The following ZNF208 variants were observed in gnomAD, a reference collection of about 807,000 sequenced individuals.
ZNF208 encodes zinc finger protein 208.
In ZNF208, 10 loss-of-function variants were observed where a neutral mutation model predicts 12.1. That is an observed-to-expected ratio of 0.83 (90% CI 0.51 to 1.40). The LOEUF (loss-of-function observed/expected upper bound fraction) is 1.40, where lower values mean the gene tolerates loss of function less well. Among genes scored for constraint, ZNF208 ranks in the 40% most tolerant of loss-of-function variants. The probability of loss-of-function intolerance (pLI) is 0.00; values close to 1 mark genes in which losing one functional copy is unlikely to be tolerated. For synonymous variants in ZNF208, 497 were observed against 488.4 expected (o/e 1.02, Z -0.23); for missense variants, 1,652 against 1,485.0 (o/e 1.11, Z -1.85).
chr19:22,006,518 TCTTAAC>T (rs1971046751), intron 1 of ZNF208, among the ~76,000 whole-genome samples: 1 of 152,134 alleles, frequency 6.6e-6, no homozygotes, highest in Non-Finnish European at 1.5e-5. Context: ...ACCTCTTCTA[TCTTAAC>T]CTTAACTGCA....
At chr19:21,979,249 G>A (rs1274328213) in intron 3 of ZNF208, among the ~76,000 whole-genome samples, 1 of 152,136 alleles carries the variant, frequency 6.6e-6, no homozygotes, top group African/African-American at 2.4e-5. Flanking sequence ...TGCTCCTCGA[G>A]AAGAGCAACC....
rs765088951 is a variant in ZNF208, at chr19:21,971,841, C to T, written c.3193G>A (p.Ala1065Thr). 1.5e-4 allele frequency: 248 copies of T among 1,613,476 alleles called. No individual in the cohort carries two copies. Among genetic ancestry groups the T allele is most frequent in the Non-Finnish European group, 2.0e-4 (231 of 1,179,812 alleles). Residue 1065 changes from alanine to threonine, a missense_variant, in exon 4 of 4, where the codon GCC becomes ACC. Physicochemically the swap from Ala to Thr is moderately conservative, Grantham distance 58. Around this residue, in one of 3 missense-constraint regions of ZNF208, gnomAD observed 1,239 missense variants for 1,086.2 expected, o/e 1.14. Coordinates refer to ENST00000397126, the MANE Select transcript of ZNF208 (RefSeq NM_007153.3). ...KPYKCEECGKAFSWPSRLTEH... is the reference protein window; with the variant it reads ...KPYKCEECGKTFSWPSRLTEH... ...GTAAGTCTTGAGGGCCAGCTGAAGG[C>T]TTTGCCACATTCTTCACATTTGTAG...
In ZNF208 at chr19:21,967,234, A is replaced by G. The variant is rs1970188391; in HGVS notation, c.*3957T>C. 1 of 152,036 alleles carries G rather than the reference A, an allele frequency of 6.6e-6. No homozygotes were observed. Among genetic ancestry groups the G allele is most frequent in the Non-Finnish European group, 1.5e-5 (1 of 67,978 alleles). 9.4% of individuals were successfully genotyped at this position (152,036 alleles called of 1,614,324 possible). A position where few individuals can be genotyped will look rare whatever the true frequency, so the allele number is the denominator to read the frequency against. ...TATTGAGTTGTTTTTTTTTTATAGA[A>G]AAAGGTAGTACAGTTTTCTTCCACA... On this transcript the variant is annotated 3_prime_UTR_variant, in exon 4 of 4. Transcript: ENST00000397126.
At chr19:21,997,722 G>C (rs1970864492) in intron 1 of ZNF208, 1 of 159,490 alleles carries the variant, frequency 6.3e-6, no homozygotes, top group African/African-American at 2.4e-5. Flanking sequence ...CACAATAATA[G>C]AAAAGGGAGC....
chr19:22,000,887 T>C (rs943097836), intron 1 of ZNF208, among the ~76,000 whole-genome samples: 1 of 152,068 alleles, frequency 6.6e-6, no homozygotes, highest in Non-Finnish European at 1.5e-5. Flanking sequence ...CACAAAAATA[T>C]ACTGAAGTCT....
downstream of ZNF208, among the ~76,000 whole-genome samples, chr19:21,962,809 A>T (rs751571574): frequency 3.3e-4 from 51 of 152,254 alleles, no homozygotes; most frequent in Non-Finnish European, 4.6e-4. Context: ...CTTGTGGTAG[A>T]ATCGATTTGT....
Position 21,968,860 on chromosome 19 carries a change from T to C in ZNF208, c.*2331A>G, listed in dbSNP as rs1169386800. Among the ~76,000 whole-genome samples, 2 of 152,146 alleles carry C rather than the reference T, an allele frequency of 1.3e-5. No individual in the cohort carries two copies. Among genetic ancestry groups the C allele is most frequent in the East Asian group, 1.9e-4 (1 of 5,186 alleles). On this transcript the variant is annotated 3_prime_UTR_variant, in exon 4 of 4. Coordinates refer to ENST00000397126, the MANE Select transcript of ZNF208 (RefSeq NM_007153.3). ...TATTATTACTTATACAATGTCATTA[T>C]ACATTTTATACATTTTTGCTCTGCT...
intron 4 of ZNF208, among the ~76,000 whole-genome samples, chr19:21,948,434 C>G: frequency 6.6e-6 from 1 of 152,166 alleles, no homozygotes; most frequent in East Asian, 1.9e-4. Flanking sequence ...GAGATACAAA[C>G]CCTTGGGGAA....
At chr19:21,952,601 G>C (rs1446517266) in intron 4 of ZNF208, among the ~76,000 whole-genome samples, 2 of 152,024 alleles carry the variant, frequency 1.3e-5, no homozygotes, top group African/African-American at 4.8e-5. Flanking sequence ...AAGAAAACCA[G>C]CAAACAGAAA....
chr19:21,958,541 T>G (rs79846980), intron 4 of ZNF208, among the ~76,000 whole-genome samples: 1 of 152,090 alleles, frequency 6.6e-6, no homozygotes, highest in East Asian at 1.9e-4. Context: ...CTACCAGTTA[T>G]CAGGGTGTGT....
chr19:21,976,983 A>C (rs527561043), intron 3 of ZNF208, among the ~76,000 whole-genome samples: 1 of 152,214 alleles, frequency 6.6e-6, no homozygotes, highest in South Asian at 2.1e-4. Context: ...TATTAATCAA[A>C]TGAGAGCAGA....
At chr19:21,961,516 G>T (rs1297480903), downstream of ZNF208, among the ~76,000 whole-genome samples, 1 of 152,108 alleles carries the variant, frequency 6.6e-6, no homozygotes, top group Admixed American at 6.6e-5. Flanking sequence ...AATTGGGTTC[G>T]AGAGCAGAGA....
chr19:22,010,897 G>C lies in ZNF208; in HGVS notation c.-103C>G. ...GGACTCTAGGAGCAGAGGACACACAGCAGTAAGGACGAGACCTTGACCTCC... is the reference window on the plus strand; with the variant it reads ...GGACTCTAGGAGCAGAGGACACACACCAGTAAGGACGAGACCTTGACCTCC... On this transcript the variant is annotated 5_prime_UTR_variant, in exon 1 of 4. Coordinates refer to ENST00000397126, the MANE Select transcript of ZNF208 (RefSeq NM_007153.3). 2.6e-6 allele frequency: 4 copies of C among 1,551,600 alleles called. No individual in the cohort carries two copies. In the Admixed American group the frequency reaches 6.7e-5, roughly 26 times the overall value.
intron 1 of ZNF208, among the ~76,000 whole-genome samples, chr19:21,994,624 G>A (rs1303017492): frequency 6.6e-6 from 1 of 151,680 alleles, no homozygotes; most frequent in Non-Finnish European, 1.5e-5. Context: ...CCACTGCCCT[G>A]TAAATTTTAT....
intron 1 of ZNF208, among the ~76,000 whole-genome samples, chr19:22,006,626 T>C (rs949770008): frequency 7.9e-5 from 12 of 152,178 alleles, no homozygotes; most frequent in Non-Finnish European, 1.8e-4. Context: ...CTGGGACATC[T>C]GCAGGAAAGG....
intron 1 of ZNF208, among the ~76,000 whole-genome samples, chr19:21,993,057 T>G (rs1426815022): frequency 6.6e-6 from 1 of 152,086 alleles, no homozygotes; most frequent in Non-Finnish European, 1.5e-5. Flanking sequence ...GCACCACAGG[T>G]CTACCTGCTG....
At chr19:22,009,775 A>T (rs1483607630) in intron 1 of ZNF208, among the ~76,000 whole-genome samples, 1 of 151,482 alleles carries the variant, frequency 6.6e-6, no homozygotes, top group Non-Finnish European at 1.5e-5. Flanking sequence ...TCTAATTCAA[A>T]TGCATTTTTT....
At chr19:21,964,908 A>C (rs1022948284), downstream of ZNF208, among the ~76,000 whole-genome samples, 18 of 151,958 alleles carry the variant, frequency 1.2e-4, no homozygotes, top group Non-Finnish European at 2.7e-4. Flanking sequence ...TCTTTTAAAA[A>C]TCATTCTAAC....
At chr19:21,951,055 G>A (rs1409965436) in intron 4 of ZNF208, among the ~76,000 whole-genome samples, 1 of 152,168 alleles carries the variant, frequency 6.6e-6, no homozygotes, top group African/African-American at 2.4e-5. Flanking sequence ...CATTCTTGTA[G>A]AATACAAACA....
Sources: allele counts gnomAD v4.1 joint callset (sites outside exome capture counted in the v4.1 genomes callset), GRCh38; gene constraint gnomAD v4.1.1; regional missense constraint gnomAD v4.1.1; transcripts MANE v1.5; gene names NCBI Gene and HGNC (gene_info 2026-07-23, HGNC 2026-07-21).